The following RAD21 variants were observed in gnomAD, a reference collection of about 807,000 sequenced individuals.
The protein encoded by RAD21 is double-strand-break repair protein rad21 homolog.
In RAD21, 18 loss-of-function variants were observed where a neutral mutation model predicts 71.5. The ratio of observed to expected loss-of-function variants is 0.25; its 90% CI spans 0.17 to 0.37. The LOEUF (loss-of-function observed/expected upper bound fraction) is 0.37. RAD21 is among the 10% of genes least tolerant of loss of function. The pLI is 1.00. For synonymous variants in RAD21, 248 were observed against 254.0 expected (o/e 0.98, Z 0.22); for missense variants, 493 against 769.1 (o/e 0.64, Z 4.25).
intron 2 of RAD21, 66 bp downstream of exon 2, chr8:116,866,520 G>T: frequency 2.7e-6 from 4 of 1,489,912 alleles, no homozygotes; most frequent in Admixed American, 2.1e-5. Context: ...AACTGTTTTA[G>T]AAGTTCTATT....
chr8:116,848,517 T>C (rs946842646), intron 13 of RAD21, among the ~76,000 whole-genome samples: 2 of 152,182 alleles, frequency 1.3e-5, no homozygotes, highest in African/African-American at 4.8e-5. Context: ...ATCCTGTCTA[T>C]GTCTAGGACA....
chr8:116,857,264 T>G lies in RAD21; in HGVS notation c.688+3A>C. The G allele has an allele frequency of 6.3e-7, 1 of 1,599,336 alleles. No individual in the cohort carries two copies. The highest frequency in any genetic ancestry group is 8.6e-7 in the Non-Finnish European group (1 of 1,169,284). ...TGCTGGAATAACCATCATTCCCACA[T>G]ACCTAATATTCCACCATCATTTCCT... On this transcript the variant is annotated splice_donor_region_variant and intron_variant, in intron 6 of 13. Transcript: ENST00000297338.
chr8:116,873,085 C>T (rs1029651067), intron 1 of RAD21, among the ~76,000 whole-genome samples: 4 of 152,228 alleles, frequency 2.6e-5, no homozygotes, highest in African/African-American at 7.2e-5. Context: ...TGCAGCAAAA[C>T]ATTAACCAGC....
chr8:116,851,661 T>A (rs1812351099), intron 11 of RAD21: 1 of 259,002 alleles, frequency 3.9e-6, no homozygotes, highest in Non-Finnish European at 7.3e-6. Flanking sequence ...TGCAGGAATG[T>A]TTGCCAAATA....
chr8:116,873,927 T>A (rs141908107), intron 1 of RAD21, among the ~76,000 whole-genome samples: 1 of 152,280 alleles, frequency 6.6e-6, no homozygotes, highest in Non-Finnish European at 1.5e-5. Flanking sequence ...ATTATGCAAA[T>A]ATCCTTGGAA....
chr8:116,866,249 C>T (rs983717562), intron 2 of RAD21, among the ~76,000 whole-genome samples: 2 of 120,760 alleles, frequency 1.7e-5, no homozygotes, highest in Non-Finnish European at 3.4e-5. Context: ...AGCACTTCCA[C>T]GTCGGTTTTT....
chr8:116,871,122 A>G (rs1812813850), intron 1 of RAD21, among the ~76,000 whole-genome samples: 1 of 152,222 alleles, frequency 6.6e-6, no homozygotes, highest in Non-Finnish European at 1.5e-5. Context: ...CCTGGTGTAT[A>G]TCTGAATAAG....
chr8:116,868,514 G>A (rs541354000), intron 1 of RAD21, among the ~76,000 whole-genome samples: 3 of 152,210 alleles, frequency 2.0e-5, no homozygotes, highest in Admixed American at 6.5e-5. Flanking sequence ...CAACTGTCCC[G>A]AATGTGACTG....
At chr8:116,859,102 A>G (rs1173126243) in intron 4 of RAD21, among the ~76,000 whole-genome samples, 100 of 107,256 alleles carry the variant, frequency 9.3e-4, no homozygotes, top group African/African-American at 9.0e-3. Flanking sequence ...AACTGGGAGA[A>G]AAAAAAAAAA....
chr8:116,872,001 G>A (rs934420386), intron 1 of RAD21, among the ~76,000 whole-genome samples: 1 of 152,032 alleles, frequency 6.6e-6, no homozygotes, highest in African/African-American at 2.4e-5. Context: ...GAATATAGTC[G>A]GTCCTCCTTA....
At chr8:116,850,924 T>C (rs1812336837) in intron 11 of RAD21, 157 bp from the exon 12 acceptor site, 1 of 447,100 alleles carries the variant, frequency 2.2e-6, no homozygotes, top group South Asian at 6.4e-5. Flanking sequence ...TTACAGTATA[T>C]ATCTTTTTTG....
intron 1 of RAD21, among the ~76,000 whole-genome samples, chr8:116,868,404 G>A (rs1383829818): frequency 6.6e-6 from 1 of 152,074 alleles, no homozygotes; most frequent in East Asian, 1.9e-4. Flanking sequence ...CCTATAGAAG[G>A]ACATTTAGTT....
Position 116,872,722 on chromosome 8 carries a change from G to T in RAD21, c.-33+1889C>A, listed in dbSNP as rs78153792. ...CCCTACTATGAAAACCTGAAAGGTT[G>T]AAATCTGGTGGTTTACCTAACCTTT... On this transcript the variant is annotated intron_variant, in intron 1 of 13. Transcript: ENST00000297338. Among the ~76,000 whole-genome samples, 341 of 152,320 alleles carry T rather than the reference G, an allele frequency of 2.2e-3. 4 individuals carry two copies. The highest frequency in any genetic ancestry group is 7.5e-3 in the African/African-American group (312 of 41,558).
At chr8:116,873,823 TA>T (rs754197408) in intron 1 of RAD21, among the ~76,000 whole-genome samples, 21 of 152,130 alleles carry the variant, frequency 1.4e-4, no homozygotes, top group Non-Finnish European at 2.1e-4. Flanking sequence ...ATCAAGCATT[TA>T]TCAGAAACAC....
At position 116,851,919 on chromosome 8, in the gene RAD21, T is replaced by C. The variant is rs142877932; in HGVS notation, c.1470+29A>G. The stretch of plus-strand genomic sequence containing the variant: ...TACTGACTGTATGAATACCTTCAAA[T>C]GACTTAATGGATAGATTTGCTTACT... On this transcript the variant is annotated intron_variant, in intron 11 of 13. Transcript: ENST00000297338. The C allele has an allele frequency of 2.4e-4, 378 of 1,584,514 alleles. 1 individual carries two copies. The African/African-American group carries it at 4.5e-3, about 19-fold the overall frequency.
At chr8:116,851,483 CCTA>C (rs2130457658) in intron 11 of RAD21, 1 of 152,682 alleles carries the variant, frequency 6.5e-6, no homozygotes, top group East Asian at 1.9e-4. Context: ...TAAACCAAAC[CCTA>C]CTATTTCCTC....
chr8:116,848,863 C>A, intron 13 of RAD21, 83 bp downstream of exon 13: 1 of 1,081,656 alleles, frequency 9.2e-7, no homozygotes, highest in East Asian at 2.7e-5. Flanking sequence ...TTTCTGTTTC[C>A]AGCATCTAAC....
At position 116,856,713 on chromosome 8, in the gene RAD21, A is replaced by G; in HGVS notation, c.747T>C (p.Ser249=). The change falls in exon 7 of 14, where the codon TCT becomes TCC. Residue 249 remains serine, a synonymous_variant. Coordinates refer to ENST00000297338, the MANE Select transcript of RAD21 (RefSeq NM_006265.3). ...GGIFDDPPAL[S]EAGVMLPEQP... ...GCTCTGGCAACATCACCCCTGCCTC[A>G]GAGAGGGCAGGGGGATCATCAAAGA... is the stretch of plus-strand genomic sequence containing the variant. 1 of 1,588,108 alleles carries G rather than the reference A, an allele frequency of 6.3e-7. No individual in the cohort carries two copies. The highest frequency in any genetic ancestry group is 1.4e-5 in the African/African-American group (1 of 73,870).
intron 1 of RAD21, among the ~76,000 whole-genome samples, chr8:116,868,738 T>C (rs1416903742): frequency 6.6e-6 from 1 of 152,072 alleles, no homozygotes; most frequent in Non-Finnish European, 1.5e-5. Context: ...AGATTGGTAT[T>C]AGCAGAGGAA....
Sources: allele counts gnomAD v4.1 joint callset (sites outside exome capture counted in the v4.1 genomes callset), GRCh38; gene constraint gnomAD v4.1.1; transcripts MANE v1.5; gene names NCBI Gene and HGNC (gene_info 2026-07-23, HGNC 2026-07-21).